The following RIC8B variants were observed in gnomAD, a reference collection of about 807,000 sequenced individuals.
RIC8B encodes the protein RIC8 guanine nucleotide exchange factor B.
A neutral mutation model predicts 57.5 loss-of-function variants in RIC8B; 16 were observed. The ratio of observed to expected loss-of-function variants is 0.28; its 90% confidence interval spans 0.19 to 0.42. The LOEUF (loss-of-function observed/expected upper bound fraction) is 0.42, where lower values mean the gene tolerates loss of function less well. Ranked by LOEUF, RIC8B falls within the 10% of genes least tolerant of loss-of-function variation. The pLI, the probability that RIC8B is intolerant of heterozygous loss-of-function variation, is 1.00. For synonymous variants in RIC8B, 216 were observed against 250.8 expected (o/e 0.86, Z 1.31); for missense variants, 481 against 677.0 (o/e 0.71, Z 3.21).
chr12:106,806,927 A>G (rs1436539526), intron 2 of RIC8B, among the ~76,000 whole-genome samples: 2 of 152,218 alleles, frequency 1.3e-5, no homozygotes, highest in East Asian at 1.9e-4. Context: ...TCAGCTTCCT[A>G]TTTGACATCT....
intron 2 of RIC8B, among the ~76,000 whole-genome samples, chr12:106,801,118 G>GA (rs1477268289): frequency 2.0e-5 from 3 of 152,186 alleles, no homozygotes; most frequent in African/African-American, 7.2e-5. Context: ...AGGGCTTTCT[G>GA]AAAAATAGGC....
intron 7 of RIC8B, among the ~76,000 whole-genome samples, chr12:106,852,775 T>C (rs1261640369): frequency 6.6e-6 from 1 of 152,242 alleles, no homozygotes; most frequent in East Asian, 1.9e-4. Context: ...TCATAGACTG[T>C]TTAGCATCTG....
At chr12:106,856,492 T>C (rs1245466656) in intron 7 of RIC8B, among the ~76,000 whole-genome samples, 1 of 152,186 alleles carries the variant, frequency 6.6e-6, no homozygotes, top group South Asian at 2.1e-4. Flanking sequence ...GCAGATGCTG[T>C]TCCTTTTGTG....
rs527407672 is a variant in RIC8B at position 106,857,277 on chromosome 12, A to G, written c.1307-2991A>G. Among the ~76,000 whole-genome samples the G allele has an allele frequency of 6.6e-5, 10 of 152,328 alleles. No homozygotes were observed. The South Asian group carries it at 2.1e-3, about 32-fold the overall frequency. On this transcript the variant is annotated intron_variant, in intron 7 of 9. Coordinates refer to ENST00000392837, the MANE Select transcript of RIC8B (RefSeq NM_001330145.2). ...ACTAGTTGAGTCTTCTAAAAGTTAC[A>G]GCATTTGACTAGAAGGAAAAGGATT...
intron 9 of RIC8B, chr12:106,872,896 G>T: frequency 2.6e-6 from 1 of 390,716 alleles, no homozygotes; most frequent in Non-Finnish European, 3.5e-6. Context: ...ATGGAAGACA[G>T]GGGAAATAAC....
At chr12:106,783,703 A>G (rs1384873691) in intron 1 of RIC8B, among the ~76,000 whole-genome samples, 1 of 152,184 alleles carries the variant, frequency 6.6e-6, no homozygotes, top group African/African-American at 2.4e-5. Context: ...ACTCCTGTTT[A>G]TCCCTCACGA....
At chr12:106,811,975 A>G (rs3782709) in intron 2 of RIC8B, among the ~76,000 whole-genome samples, 55,663 of 152,000 alleles carry the variant, frequency 0.37, 10,320 homozygotes, top group African/African-American at 0.41. Flanking sequence ...ATTTGTTTCT[A>G]ATAATATTCT....
At chr12:106,822,429 T>C (rs913693866) in intron 3 of RIC8B, 2 of 152,184 alleles carry the variant, frequency 1.3e-5, no homozygotes, top group Non-Finnish European at 2.9e-5. Context: ...CCTGTAGATA[T>C]CAAATGACAT....
intron 9 of RIC8B, among the ~76,000 whole-genome samples, chr12:106,872,248 G>A (rs2136607616): frequency 6.6e-6 from 1 of 152,152 alleles, no homozygotes; most frequent in East Asian, 1.9e-4. Context: ...ATACCGATAG[G>A]GCAAACCTAT....
intron 7 of RIC8B, among the ~76,000 whole-genome samples, chr12:106,859,113 T>TA (rs2136510847): frequency 6.6e-6 from 1 of 152,282 alleles, no homozygotes; most frequent in East Asian, 1.9e-4. Context: ...GATTGTATGT[T>TA]ATGTTGTGTT....
intron 8 of RIC8B, among the ~76,000 whole-genome samples, chr12:106,866,886 C>T (rs1276916079): frequency 6.6e-6 from 1 of 152,112 alleles, no homozygotes; most frequent in Non-Finnish European, 1.5e-5. Context: ...TACGTGACAA[C>T]CAGTTGATGG....
chr12:106,780,343 A>G (rs1026351340), intron 1 of RIC8B, among the ~76,000 whole-genome samples: 1 of 152,240 alleles, frequency 6.6e-6, no homozygotes, highest in African/African-American at 2.4e-5. Flanking sequence ...TATTTAAGAT[A>G]CAGACAGATA....
chr12:106,788,517 T>G (rs1043261967), intron 2 of RIC8B, among the ~76,000 whole-genome samples: 3 of 152,234 alleles, frequency 2.0e-5, no homozygotes, highest in South Asian at 2.1e-4. Context: ...CAGCAAACTT[T>G]TGCCTGGGCA....
intron 4 of RIC8B, among the ~76,000 whole-genome samples, chr12:106,828,009 G>A (rs1455235373): frequency 6.6e-6 from 1 of 152,180 alleles, no homozygotes; most frequent in Non-Finnish European, 1.5e-5. Context: ...TTGAAAGAGA[G>A]CAAAACTATG....
intron 2 of RIC8B, among the ~76,000 whole-genome samples, chr12:106,801,243 CTT>C (rs2044718484): frequency 1.3e-5 from 2 of 152,166 alleles, no homozygotes; most frequent in African/African-American, 4.8e-5. Context: ...GCTTATAAAA[CTT>C]TTCTTGTCAA....
intron 4 of RIC8B, among the ~76,000 whole-genome samples, chr12:106,836,951 C>G (rs1234808370): frequency 6.6e-6 from 1 of 152,202 alleles, no homozygotes; most frequent in Non-Finnish European, 1.5e-5. Context: ...GCCCCAGAGC[C>G]TTTGCTTTTA....
chr12:106,835,861 A>G (rs1468489617), intron 4 of RIC8B, among the ~76,000 whole-genome samples: 1 of 152,238 alleles, frequency 6.6e-6, no homozygotes, highest in Admixed American at 6.5e-5. Flanking sequence ...CACTGAGGGT[A>G]GCATTCAGGG....
chr12:106,813,071 C>A (rs879523904), intron 2 of RIC8B, among the ~76,000 whole-genome samples: 2 of 151,500 alleles, frequency 1.3e-5, no homozygotes, highest in South Asian at 2.1e-4. Flanking sequence ...TGTCATTATT[C>A]CTTAAATAAT....
chr12:106,854,518 C>T (rs944002909), intron 7 of RIC8B, among the ~76,000 whole-genome samples: 4 of 151,900 alleles, frequency 2.6e-5, no homozygotes, highest in South Asian at 2.1e-4. Context: ...AGGGGCCAGG[C>T]GCGGTGGCTC....
Sources: gnomAD v4.1 joint callset for allele counts (sites outside exome capture counted in the v4.1 genomes callset) on GRCh38, gnomAD v4.1.1 for gene constraint, MANE v1.5 for transcripts, NCBI Gene and HGNC (gene_info 2026-07-23, HGNC 2026-07-21) for gene names.